Variants in PCDHA5 observed in about 807,000 individuals in gnomAD.
PCDHA5 encodes protocadherin alpha 5, also known as protocadherin alpha-5.
PCDHA5 carries 43 observed loss-of-function variants against 61.6 expected under a neutral mutation model. The observed-to-expected ratio is 0.70, with a 90% CI of 0.55 to 0.90. The LOEUF (loss-of-function observed/expected upper bound fraction) is 0.90, where lower values mean the gene tolerates loss of function less well. PCDHA5 is among the 40% of genes least tolerant of loss of function. The pLI is 0.00. For synonymous variants in PCDHA5, 627 were observed against 543.9 expected, an observed-to-expected ratio of 1.15 and a Z score of -2.13; for missense variants, 1,298 against 1,222.7, an observed-to-expected ratio of 1.06 and a Z score of -0.92.
At chr5:140,862,330 T>A in intron 1 of PCDHA5, 1 of 326,684 alleles carries the variant, frequency 3.1e-6, no homozygotes, top group Non-Finnish European at 6.0e-6. Flanking sequence ...TCAGTGTAAT[T>A]GACCCTAACT....
chr5:140,883,552 G>A, intron 1 of PCDHA5: 2 of 1,614,234 alleles, frequency 1.2e-6, no homozygotes, highest in South Asian at 1.1e-5. Flanking sequence ...TGACCGCGCG[G>A]GACGGGGGCT....
At chr5:140,917,278 C>T (rs188364646) in intron 1 of PCDHA5, among the ~76,000 whole-genome samples, 198 of 143,570 alleles carry the variant, frequency 1.4e-3, no homozygotes, top group South Asian at 9.8e-3. Flanking sequence ...TTTGTAATGA[C>T]GCTTTTCCGT....
intron 1 of PCDHA5, chr5:140,835,816 C>G (rs1554135300): frequency 6.2e-7 from 1 of 1,612,730 alleles, no homozygotes; most frequent in Non-Finnish European, 8.5e-7. Flanking sequence ...TTCACTGTGT[C>G]GGCGGGGGAC....
intron 3 of PCDHA5, among the ~76,000 whole-genome samples, chr5:141,004,044 T>G (rs2098148933): frequency 6.6e-6 from 1 of 152,234 alleles, no homozygotes; most frequent in African/African-American, 2.4e-5. Context: ...ATTGATCATT[T>G]GCTGATACTG....
At chr5:140,877,487 A>G in intron 1 of PCDHA5, 1 of 1,613,822 alleles carries the variant, frequency 6.2e-7, no homozygotes, top group Non-Finnish European at 8.5e-7. Context: ...CTGGTGGAGA[A>G]CGGCCAGGCC....
At position 140,843,610 on chromosome 5, in the gene PCDHA5, G is replaced by C; in HGVS notation, c.2352+19483G>C. 5.6e-6 allele frequency: 9 copies of C among 1,595,980 alleles called. 1 individual carries two copies. The highest frequency in any genetic ancestry group is 7.7e-6 in the Non-Finnish European group (9 of 1,165,482). On this transcript the variant is annotated intron_variant, in intron 1 of 3. Transcript: ENST00000529859. Reference sequence around the variant, plus strand: ...CGCAGAGGGTGTGCTCTGGTGAGGGGCCACCGAAGACGGACCTCATGGCCT... The same window carrying C: ...CGCAGAGGGTGTGCTCTGGTGAGGGCCCACCGAAGACGGACCTCATGGCCT...
At chr5:140,868,967 A>C (rs2050769969) in intron 1 of PCDHA5, 2 of 1,435,752 alleles carry the variant, frequency 1.4e-6, no homozygotes, top group South Asian at 1.4e-5. Flanking sequence ...ATACAAAGGA[A>C]CTCCATCATA....
chr5:140,838,785 G>T (rs1377417578), intron 1 of PCDHA5, among the ~76,000 whole-genome samples: 2 of 151,968 alleles, frequency 1.3e-5, no homozygotes, highest in Non-Finnish European at 2.9e-5. Context: ...AGCTATGCAT[G>T]GTGATGCATG....
chr5:140,926,827 C>G, intron 1 of PCDHA5: 1 of 1,500,674 alleles, frequency 6.7e-7, no homozygotes, highest in Non-Finnish European at 8.9e-7. Context: ...CTCCAGGAGT[C>G]CGGAGCATGG....
chr5:140,879,720 G>C (rs1275273892), intron 1 of PCDHA5, among the ~76,000 whole-genome samples: 1 of 152,212 alleles, frequency 6.6e-6, no homozygotes, highest in Non-Finnish European at 1.5e-5. Flanking sequence ...TTGGAGACCA[G>C]AAGTCCAAAA....
At chr5:140,940,497 C>T (rs1314378548) in intron 1 of PCDHA5, among the ~76,000 whole-genome samples, 1 of 151,818 alleles carries the variant, frequency 6.6e-6, no homozygotes, top group Non-Finnish European at 1.5e-5. Context: ...AAGTCTTGCT[C>T]CGTCGCTCAG....
chr5:140,830,787 T>C (rs1771244520), intron 1 of PCDHA5: 1 of 162,314 alleles, frequency 6.2e-6, no homozygotes, highest in Non-Finnish European at 1.3e-5. Flanking sequence ...TTTTTTCTGA[T>C]TAATTATATG....
At chr5:140,869,217 G>T in intron 1 of PCDHA5, 4 of 1,613,842 alleles carry the variant, frequency 2.5e-6, no homozygotes, top group South Asian at 2.2e-5. Flanking sequence ...TCTCGGAGGA[G>T]GCCAAACACG....
intron 1 of PCDHA5, chr5:140,841,063 TAAAG>T (rs1776998418): frequency 2.2e-6 from 1 of 461,482 alleles, no homozygotes; most frequent in South Asian, 3.9e-5. Context: ...TAAATTATGA[TAAAG>T]AAATAGAAAG....
intron 1 of PCDHA5, chr5:140,869,657 A>G (rs2051312714): frequency 6.2e-7 from 1 of 1,613,452 alleles, no homozygotes; most frequent in South Asian, 1.1e-5. Flanking sequence ...TCACCAACAA[A>G]TGGTAAGCAG....
chr5:140,908,754 A>C (rs1403008536), intron 1 of PCDHA5, among the ~76,000 whole-genome samples: 1 of 152,184 alleles, frequency 6.6e-6, no homozygotes, highest in Non-Finnish European at 1.5e-5. Context: ...ACTTGCACAC[A>C]GCCTGGACGT....
chr5:140,966,731 G>T, intron 1 of PCDHA5: 8 of 1,405,136 alleles, frequency 5.7e-6, no homozygotes, highest in Non-Finnish European at 7.4e-6. Context: ...TGCCGCCTCC[G>T]GCCCTGCCCG....
chr5:140,828,648 G>A, intron 1 of PCDHA5: 1 of 1,614,192 alleles, frequency 6.2e-7, no homozygotes, highest in Non-Finnish European at 8.5e-7. Context: ...AAAATAAACA[G>A]TGATGACAAT....
At chr5:140,830,269 A>G (rs2150183853) in intron 1 of PCDHA5, 5 of 1,613,514 alleles carry the variant, frequency 3.1e-6, no homozygotes, top group Admixed American at 1.7e-5. Flanking sequence ...GCTCGGCGCC[A>G]CCCACCGAGG....
Sources: allele counts gnomAD v4.1 joint callset (sites outside exome capture counted in the v4.1 genomes callset), GRCh38; gene constraint gnomAD v4.1.1; transcripts MANE v1.5; gene names NCBI Gene and HGNC (gene_info 2026-07-23, HGNC 2026-07-21).